SYNE1: variants seen among roughly 807,000 people sequenced by gnomAD.
SYNE1 encodes spectrin repeat containing nuclear envelope protein 1.
A neutral mutation model predicts 1,111.0 loss-of-function variants in SYNE1; 616 were observed. The observed-to-expected ratio is 0.55, with a 90% CI of 0.52 to 0.59. SYNE1 has a LOEUF of 0.59. SYNE1 is among the 20% of genes least tolerant of loss of function. The pLI is 0.00. For missense variants in SYNE1, 10,006 were observed against 10,417.0 expected (o/e 0.96, Z 1.72); for synonymous variants, 3,855 against 3,825.8 (o/e 1.01, Z -0.28).
intron 145 of SYNE1, chr6:152,128,889 G>C (rs2054452207): frequency 6.6e-6 from 1 of 152,200 alleles, no homozygotes. Context: ...CAGAGGTACC[G>C]ACGGTAACGA....
chr6:152,137,036 C>T (rs1231905812), intron 140 of SYNE1, among the ~76,000 whole-genome samples: 3 of 151,930 alleles, frequency 2.0e-5, no homozygotes, highest in African/African-American at 4.8e-5. Flanking sequence ...CTTAAGAAAA[C>T]AGGGTGTAGA....
In SYNE1 at chr6:152,331,550, T is replaced by C. The variant is rs748214881; in HGVS notation, c.13135A>G (p.Met4379Val). The C allele has an allele frequency of 3.7e-6, 6 of 1,614,156 alleles. No homozygotes were observed. The highest frequency in any genetic ancestry group is 5.1e-6 in the Non-Finnish European group (6 of 1,180,022). Residue 4379 changes from methionine to valine, a missense_variant, in exon 78 of 146, where the codon ATG becomes GTG. Met to Val is a conservative substitution (Grantham distance 21, BLOSUM62 1). This residue lies in a region of SYNE1 where 4,955 missense variants were observed against 5,017.2 expected (regional missense o/e 0.99). Transcript: ENST00000367255. The part of the protein sequence containing the change: ...EALKQSPPPD[M>V]AQNLLMDHLA... ...TGATCCATGAGAAGGTTCTGAGCCA[T>C]ATCTGGAGGAGGGCTCTGCTTAAGG...
At chr6:152,623,929 G>A (rs1195477166) in intron 3 of SYNE1, among the ~76,000 whole-genome samples, 1 of 83,834 alleles carries the variant, frequency 1.2e-5, no homozygotes, top group Non-Finnish European at 2.8e-5. Context: ...ACTTCTGTTA[G>A]TCTGAAGTTT....
At chr6:152,457,847 G>A (rs1384048010) in intron 22 of SYNE1, among the ~76,000 whole-genome samples, 1 of 151,674 alleles carries the variant, frequency 6.6e-6, no homozygotes, top group African/African-American at 2.4e-5. Flanking sequence ...AATGCCTAAA[G>A]CTATGTGTGG....
At chr6:152,390,504 A>G (rs1371127578) in intron 52 of SYNE1, 52 bp from the exon 53 acceptor site, 3 of 1,584,778 alleles carry the variant, frequency 1.9e-6, no homozygotes, top group Non-Finnish European at 1.7e-6. Context: ...ACCTTCTTCT[A>G]TTTTAAAAAA....
At chr6:152,218,616 A>G (rs189220383) in intron 120 of SYNE1, among the ~76,000 whole-genome samples, 6 of 152,368 alleles carry the variant, frequency 3.9e-5, no homozygotes, top group Admixed American at 3.3e-4. Context: ...TCTATGCACC[A>G]TAAGTCAATA....
In SYNE1 at chr6:152,388,448, G is replaced by T. The variant is rs556017860; in HGVS notation, c.8178-1067C>A. Among the ~76,000 whole-genome samples, 68 of 152,094 alleles carry T rather than the reference G, an allele frequency of 4.5e-4. 1 individual carries two copies. In the South Asian group the frequency reaches 0.014, roughly 30 times the overall value. ...TTTTGTTTCTCTTTCTTTGAATTTT[G>T]ACTGTGACTTCAGATAATTTTTGCA... On this transcript the variant is annotated intron_variant, in intron 53 of 145. Transcript: ENST00000367255.
chr6:152,293,499 G>A, intron 95 of SYNE1, 89 bp downstream of exon 95: 3 of 1,469,946 alleles, frequency 2.0e-6, no homozygotes, highest in Non-Finnish European at 2.9e-6. Context: ...AAGTCACCTG[G>A]CTGTCTCAAA....
At chr6:152,598,034 G>C (rs1436333872) in intron 3 of SYNE1, among the ~76,000 whole-genome samples, 2 of 152,040 alleles carry the variant, frequency 1.3e-5, no homozygotes, top group Non-Finnish European at 1.5e-5. Flanking sequence ...GTAAGAAAAA[G>C]GAAATATTTC....
At chr6:152,156,136 T>A (rs773302800) in intron 131 of SYNE1, 39 bp from the exon 132 acceptor site, 52 of 1,610,630 alleles carry the variant, frequency 3.2e-5, no homozygotes, top group Non-Finnish European at 4.2e-5. Flanking sequence ...AACAATTACA[T>A]GTATACAGAT....
intron 74 of SYNE1, among the ~76,000 whole-genome samples, chr6:152,343,161 T>G (rs2096566519): frequency 6.6e-6 from 1 of 151,636 alleles, no homozygotes; most frequent in Admixed American, 6.6e-5. Flanking sequence ...CTTTTCTTTT[T>G]TTTTTTTTTG....
chr6:152,318,752 T>C, intron 85 of SYNE1, 111 bp downstream of exon 85: 2 of 1,294,054 alleles, frequency 1.5e-6, no homozygotes, highest in Non-Finnish European at 2.1e-6. Flanking sequence ...CTGTTACTAT[T>C]TGGTTTTAAA....
chr6:152,387,978 G>A (rs1300759358), intron 53 of SYNE1, among the ~76,000 whole-genome samples: 1 of 152,130 alleles, frequency 6.6e-6, no homozygotes, highest in East Asian at 1.9e-4. Context: ...TTTCTCCATA[G>A]TCAAACCAAA....
chr6:152,439,055 T>C (rs911521112), intron 32 of SYNE1, among the ~76,000 whole-genome samples: 5 of 152,224 alleles, frequency 3.3e-5, no homozygotes, highest in African/African-American at 7.2e-5. Flanking sequence ...TAATGATACC[T>C]ATTTCTTAGG....
chr6:152,536,957 T>C (rs1392882222), intron 4 of SYNE1, among the ~76,000 whole-genome samples: 1 of 152,136 alleles, frequency 6.6e-6, no homozygotes, highest in Non-Finnish European at 1.5e-5. Flanking sequence ...TGGTAAGAAT[T>C]TAGGAACATG....
chr6:152,511,200 TTGATCATGCCTATGTAATA>T (rs1443055130), intron 6 of SYNE1, 97 bp from the exon 7 acceptor site: 1 of 1,073,482 alleles, frequency 9.3e-7, no homozygotes, highest in Non-Finnish European at 1.4e-6. Context: ...TCAATAAGAT[TTGATCATGCCTATGTAATA>T]GTACATGGGA....
chr6:152,409,964 G>A (rs1253216093), intron 42 of SYNE1, among the ~76,000 whole-genome samples: 2 of 152,092 alleles, frequency 1.3e-5, no homozygotes, highest in Non-Finnish European at 1.5e-5. Context: ...CAAAATCTAT[G>A]AACTCAATGA....
At chr6:152,319,337 T>C (rs1026763073) in intron 84 of SYNE1, among the ~76,000 whole-genome samples, 3 of 152,224 alleles carry the variant, frequency 2.0e-5, no homozygotes, top group African/African-American at 7.2e-5. Flanking sequence ...CTCCATTAAC[T>C]AACGTAATGA....
Position 152,189,242 on chromosome 6 carries a change from C to G in SYNE1, c.23301+10G>C. The G allele has an allele frequency of 6.2e-7, 1 of 1,613,226 alleles. No homozygotes were observed. Among genetic ancestry groups the G allele is most frequent in the South Asian group, 1.1e-5 (1 of 91,050 alleles). On this transcript the variant is annotated intron_variant, in intron 128 of 145. Transcript: ENST00000367255. The stretch of plus-strand genomic sequence containing the variant: ...CATCAAGATAATTCCATTTTTAGAA[C>G]TTATCTTACCTGGTGGCATAGTTCT...
Sources: allele counts gnomAD v4.1 joint callset (sites outside exome capture counted in the v4.1 genomes callset), GRCh38; gene constraint gnomAD v4.1.1; regional missense constraint gnomAD v4.1.1; transcripts MANE v1.5; gene names NCBI Gene and HGNC (gene_info 2026-07-23, HGNC 2026-07-21).